Variants in STX8 observed in about 807,000 individuals in gnomAD.
STX8 encodes the protein syntaxin-8.
STX8 carries 23 observed loss-of-function variants against 37.5 expected under a neutral mutation model. That is an observed-to-expected ratio of 0.61 (90% confidence interval 0.44 to 0.87). The LOEUF is 0.87. Among genes scored for constraint, STX8 ranks in the 40% least tolerant of loss-of-function variants. The pLI, the probability that STX8 is intolerant of heterozygous loss-of-function variation, is 0.00. For missense variants in STX8, 313 were observed against 284.7 expected (o/e 1.10, Z -0.71); for synonymous variants, 115 against 99.1 (o/e 1.16, Z -0.95).
chr17:9,281,068 A>T (rs1272734265), intron 7 of STX8, among the ~76,000 whole-genome samples: 1 of 152,096 alleles, frequency 6.6e-6, no homozygotes. Context: ...GGAAGAAGTA[A>T]TGGTGGAGGG....
intron 6 of STX8, among the ~76,000 whole-genome samples, chr17:9,401,295 G>C (rs750438796): frequency 1.3e-5 from 2 of 152,058 alleles, no homozygotes; most frequent in Non-Finnish European, 2.9e-5. Flanking sequence ...ATAAACTTAT[G>C]TTATTTCTAA....
chr17:9,481,940 C>T (rs904249620), intron 6 of STX8, among the ~76,000 whole-genome samples: 3 of 152,184 alleles, frequency 2.0e-5, no homozygotes, highest in East Asian at 3.8e-4. Flanking sequence ...GAAAAACTGT[C>T]TTCCACAAAA....
intron 7 of STX8, among the ~76,000 whole-genome samples, chr17:9,344,258 CTTTTTT>C (rs200606281): frequency 1.4e-3 from 197 of 145,656 alleles, no homozygotes; most frequent in African/African-American, 2.1e-3. Flanking sequence ...TGATACTAAA[CTTTTTT>C]TTTTTTTTTT....
At chr17:9,561,757 GA>G (rs1907244984) in intron 2 of STX8, among the ~76,000 whole-genome samples, 1 of 150,354 alleles carries the variant, frequency 6.7e-6, no homozygotes, top group Admixed American at 6.6e-5. Flanking sequence ...ACCTAGTAGA[GA>G]TTTTTTTAAA....
chr17:9,475,984 G>A (rs920419750), intron 6 of STX8, among the ~76,000 whole-genome samples: 1 of 152,214 alleles, frequency 6.6e-6, no homozygotes, highest in African/African-American at 2.4e-5. Flanking sequence ...TTCGAGACCA[G>A]CCTGACCAAC....
intron 1 of STX8, among the ~76,000 whole-genome samples, chr17:9,574,538 T>A (rs1269622228): frequency 1.6e-5 from 1 of 63,376 alleles, no homozygotes; most frequent in African/African-American, 3.8e-5. Context: ...TTTTGGGGTT[T>A]TTTATTTTTT....
At chr17:9,372,554 T>C (rs1911443274) in intron 7 of STX8, among the ~76,000 whole-genome samples, 1 of 152,006 alleles carries the variant, frequency 6.6e-6, no homozygotes, top group East Asian at 1.9e-4. Context: ...CTCGGCTAAC[T>C]GCAATCTCTG....
chr17:9,271,748 CAAA>C (rs71135959), intron 7 of STX8, among the ~76,000 whole-genome samples: 11 of 63,496 alleles, frequency 1.7e-4, no homozygotes, highest in African/African-American at 3.6e-4. Flanking sequence ...GACTCCATCT[CAAA>C]AAAAAAAAAA....
At chr17:9,449,339 T>C (rs956975520) in intron 6 of STX8, among the ~76,000 whole-genome samples, 2 of 152,122 alleles carry the variant, frequency 1.3e-5, no homozygotes, top group East Asian at 3.9e-4. Context: ...GGCGAGCGGA[T>C]CACGAGGTCA....
At chr17:9,411,343 C>T (rs1368401481) in intron 6 of STX8, among the ~76,000 whole-genome samples, 7 of 152,168 alleles carry the variant, frequency 4.6e-5, no homozygotes, top group African/African-American at 1.7e-4. Context: ...CTGCTTAGAA[C>T]TTTCCCAAGC....
chr17:9,376,793 T>A (rs1911603914), intron 7 of STX8, among the ~76,000 whole-genome samples: 1 of 151,974 alleles, frequency 6.6e-6, no homozygotes, highest in African/African-American at 2.4e-5. Flanking sequence ...CTTCAAGAAC[T>A]GTAACATTCA....
chr17:9,547,267 GAA>G (rs1184965044), intron 3 of STX8: 1 of 116,166 alleles, frequency 8.6e-6, no homozygotes, highest in African/African-American at 3.4e-5. Context: ...AAAAAAAAAA[GAA>G]AAAAGAAACA....
intron 6 of STX8, among the ~76,000 whole-genome samples, chr17:9,393,899 C>T (rs531321665): frequency 6.6e-6 from 1 of 152,026 alleles, no homozygotes; most frequent in East Asian, 1.9e-4. Context: ...GTTCTGGGTC[C>T]CATTTGTGTA....
At chr17:9,463,040 C>T (rs1043236699) in intron 6 of STX8, among the ~76,000 whole-genome samples, 1 of 152,196 alleles carries the variant, frequency 6.6e-6, no homozygotes, top group Non-Finnish European at 1.5e-5. Flanking sequence ...AAAGCAAGAG[C>T]TCCCTGGTCT....
At chr17:9,442,038 C>A (rs1461774888) in intron 6 of STX8, among the ~76,000 whole-genome samples, 1 of 152,092 alleles carries the variant, frequency 6.6e-6, no homozygotes, top group African/African-American at 2.4e-5. Flanking sequence ...CCCCTGAGCT[C>A]CAGATTCAAA....
intron 6 of STX8, among the ~76,000 whole-genome samples, chr17:9,482,952 A>G (rs73265579): frequency 0.035 from 5,273 of 152,182 alleles, 293 homozygotes; most frequent in African/African-American, 0.12. Context: ...TCTCTTCAAG[A>G]GTTCAGAGGA....
At chr17:9,545,148 T>TCCC in intron 4 of STX8, 24 bp downstream of exon 4, 1 of 1,537,760 alleles carries the variant, frequency 6.5e-7, no homozygotes, top group Non-Finnish European at 9.0e-7. Context: ...CACCAAGTAA[T>TCCC]CCCTGTAAAT....
chr17:9,421,904 G>A (rs1913444860), intron 6 of STX8, among the ~76,000 whole-genome samples: 1 of 151,976 alleles, frequency 6.6e-6, no homozygotes, highest in Admixed American at 6.6e-5. Context: ...ACAAGATCTG[G>A]TGGTCTGAAA....
chr17:9,471,895 G>T (rs1905880839), intron 6 of STX8, among the ~76,000 whole-genome samples: 1 of 152,030 alleles, frequency 6.6e-6, no homozygotes, highest in South Asian at 2.1e-4. Flanking sequence ...TAATCATGAG[G>T]ATAACTACAG....
Sources: allele counts gnomAD v4.1 joint callset (sites outside exome capture counted in the v4.1 genomes callset), GRCh38; gene constraint gnomAD v4.1.1; transcripts MANE v1.5; gene names NCBI Gene and HGNC (gene_info 2026-07-23, HGNC 2026-07-21).